Variants in FHIT observed in about 807,000 individuals in gnomAD.
FHIT encodes the protein bis(5'-adenosyl)-triphosphatase.
FHIT carries 19 observed loss-of-function variants against 17.9 expected under a neutral mutation model. The observed-to-expected ratio is 1.06, with a 90% confidence interval of 0.74 to 1.56. The LOEUF is 1.56. FHIT is among the 40% of genes most tolerant of loss of function. The pLI is 0.00. For missense variants in FHIT, 248 were observed against 189.2 expected (o/e 1.31, Z -1.82); for synonymous variants, 81 against 69.7 (o/e 1.16, Z -0.81).
At chr3:60,884,392 A>G (rs1553758774) in intron 3 of FHIT, among the ~76,000 whole-genome samples, 1 of 152,180 alleles carries the variant, frequency 6.6e-6, no homozygotes, top group Admixed American at 6.5e-5. Flanking sequence ...AAATCAGGAT[A>G]TTGAAGAGAT....
intron 8 of FHIT, among the ~76,000 whole-genome samples, chr3:59,903,800 C>G (rs1326662125): frequency 6.6e-6 from 1 of 152,132 alleles, no homozygotes; most frequent in Non-Finnish European, 1.5e-5. Flanking sequence ...TTCGATTAAG[C>G]AAATGGCTCA....
chr3:59,780,800 C>A (rs965206535), intron 8 of FHIT, among the ~76,000 whole-genome samples: 5 of 152,124 alleles, frequency 3.3e-5, no homozygotes, highest in Admixed American at 1.3e-4. Flanking sequence ...GCCTCCAGAG[C>A]CATGAGAAAT....
chr3:60,153,396 G>A (rs1168224850), intron 5 of FHIT, among the ~76,000 whole-genome samples: 1 of 151,020 alleles, frequency 6.6e-6, no homozygotes, highest in African/African-American at 2.4e-5. Context: ...AGAGGAGGTG[G>A]GGGAGAAAGA....
intron 5 of FHIT, among the ~76,000 whole-genome samples, chr3:60,169,671 T>G (rs1450173072): frequency 1.3e-5 from 2 of 152,150 alleles, no homozygotes; most frequent in African/African-American, 4.8e-5. Context: ...AAAAGGTCAG[T>G]GACAGGGAAG....
At chr3:59,905,645 C>T (rs1257575629) in intron 8 of FHIT, among the ~76,000 whole-genome samples, 12 of 152,094 alleles carry the variant, frequency 7.9e-5, no homozygotes, top group Non-Finnish European at 1.3e-4. Flanking sequence ...CTCTATGAGA[C>T]TTAAAAATTT....
At chr3:60,710,248 T>C (rs568534470) in intron 4 of FHIT, among the ~76,000 whole-genome samples, 2 of 152,338 alleles carry the variant, frequency 1.3e-5, no homozygotes, top group East Asian at 1.9e-4. Flanking sequence ...TCTTGATTCA[T>C]GCTATGGTGC....
At chr3:60,205,331 G>A (rs1703123478) in intron 5 of FHIT, among the ~76,000 whole-genome samples, 2 of 152,090 alleles carry the variant, frequency 1.3e-5, no homozygotes, top group African/African-American at 2.4e-5. Context: ...CTCCAGATAT[G>A]TATATATAAA....
intron 4 of FHIT, among the ~76,000 whole-genome samples, chr3:60,720,798 T>C (rs2041793138): frequency 6.6e-6 from 1 of 152,166 alleles, no homozygotes; most frequent in African/African-American, 2.4e-5. Context: ...TCCTCATTAA[T>C]CATGGCATGA....
chr3:60,804,015 C>A (rs2106679274), intron 4 of FHIT, among the ~76,000 whole-genome samples: 1 of 152,314 alleles, frequency 6.6e-6, no homozygotes, highest in Non-Finnish European at 1.5e-5. Flanking sequence ...AATTGCCACC[C>A]TCGGATGACA....
chr3:60,192,849 G>T (rs1210249660), intron 5 of FHIT, among the ~76,000 whole-genome samples: 1 of 152,132 alleles, frequency 6.6e-6, no homozygotes, highest in African/African-American at 2.4e-5. Context: ...CACATTAAGA[G>T]CTTTTTCAAA....
At chr3:61,226,199 G>T (rs2039966843) in intron 1 of FHIT, among the ~76,000 whole-genome samples, 2 of 152,164 alleles carry the variant, frequency 1.3e-5, no homozygotes, top group Non-Finnish European at 2.9e-5. Flanking sequence ...AGGCGCTGAG[G>T]GGTGGTAATG....
intron 7 of FHIT, among the ~76,000 whole-genome samples, chr3:59,954,435 G>A (rs1707292346): frequency 6.6e-6 from 1 of 152,068 alleles, no homozygotes; most frequent in Non-Finnish European, 1.5e-5. Context: ...CACGGTCCCT[G>A]CTCTTTGGAG....
At chr3:60,655,442 G>A (rs966723014) in intron 4 of FHIT, among the ~76,000 whole-genome samples, 1 of 152,204 alleles carries the variant, frequency 6.6e-6, no homozygotes, top group African/African-American at 2.4e-5. Context: ...TGGACACGCT[G>A]GAGGAATAGC....
chr3:60,059,175 C>A (rs920675670), intron 5 of FHIT, among the ~76,000 whole-genome samples: 1 of 152,130 alleles, frequency 6.6e-6, no homozygotes, highest in Non-Finnish European at 1.5e-5. Context: ...AGGGAAAGAC[C>A]GTCTTCCTAT....
intron 8 of FHIT, among the ~76,000 whole-genome samples, chr3:59,890,213 C>T (rs570374009): frequency 6.6e-6 from 1 of 151,936 alleles, no homozygotes; most frequent in South Asian, 2.1e-4. Context: ...CTGGAGGCCT[C>T]TTTTGATCTA....
intron 3 of FHIT, among the ~76,000 whole-genome samples, chr3:61,017,971 C>T (rs1260560351): frequency 3.9e-5 from 6 of 152,114 alleles, no homozygotes; most frequent in African/African-American, 1.4e-4. Context: ...ATAGTGACAG[C>T]ACTACTGAAA....
intron 8 of FHIT, among the ~76,000 whole-genome samples, chr3:59,815,284 A>C (rs1700558299): frequency 6.6e-6 from 1 of 152,166 alleles, no homozygotes; most frequent in African/African-American, 2.4e-5. Flanking sequence ...CCTGGTGGGA[A>C]TGTCAACTAG....
intron 3 of FHIT, among the ~76,000 whole-genome samples, chr3:60,871,596 A>G (rs978580600): frequency 6.6e-5 from 10 of 152,098 alleles, no homozygotes; most frequent in African/African-American, 1.9e-4. Context: ...ATGGTGACAT[A>G]TTTAACGTGT....
At chr3:60,868,167 A>T (rs1437555348) in intron 3 of FHIT, among the ~76,000 whole-genome samples, 1 of 152,184 alleles carries the variant, frequency 6.6e-6, no homozygotes, top group African/African-American at 2.4e-5. Flanking sequence ...TAACAGGATT[A>T]TTGATGCCTT....
Sources: gnomAD v4.1 joint callset for allele counts (sites outside exome capture counted in the v4.1 genomes callset) on GRCh38, gnomAD v4.1.1 for gene constraint, MANE v1.5 for transcripts, NCBI Gene and HGNC (gene_info 2026-07-23, HGNC 2026-07-21) for gene names.